PLPP2: variants seen among roughly 807,000 people sequenced by gnomAD.
PLPP2 encodes PAP2-gamma.
Under a neutral mutation model 35.2 loss-of-function variants are expected in PLPP2, and 29 were observed. The observed-to-expected ratio is 0.82, with a 90% CI of 0.61 to 1.12. PLPP2 has a LOEUF of 1.12. Among genes scored for constraint, PLPP2 ranks in the 50% most tolerant of loss-of-function variants. The pLI is 0.00. For synonymous variants in PLPP2, 162 were observed against 167.0 expected (o/e 0.97, Z 0.23); for missense variants, 353 against 375.2 (o/e 0.94, Z 0.49).
intron 1 of PLPP2, among the ~76,000 whole-genome samples, chr19:290,212 G>C (rs1970358236): frequency 6.6e-6 from 1 of 152,190 alleles, no homozygotes; most frequent in Non-Finnish European, 1.5e-5. Flanking sequence ...GCACACAGCA[G>C]CAACAGCCAA....
chr19:281,925 A>C (rs1600075713), intron 5 of PLPP2: 1 of 512,118 alleles, frequency 2.0e-6, no homozygotes. Flanking sequence ...AAGGACTGGG[A>C]CTGGGGAGAA....
In PLPP2 at chr19:287,366, G is replaced by A. The variant is rs1269214304; in HGVS notation, c.482+108C>T. 14 of 1,387,510 alleles carry A rather than the reference G, an allele frequency of 1.0e-5. No individual in the cohort carries two copies. Among genetic ancestry groups the A allele is most frequent in the African/African-American group, 1.4e-5 (1 of 69,226 alleles). The allele number at this position is 1,387,510 out of a possible 1,614,324, so 85.9% of individuals were successfully genotyped here. A position where few individuals can be genotyped will look rare whatever the true frequency, so the allele number is the denominator to read the frequency against. ...TATACAAAAATTAGCCGGGCGTGGT[G>A]GCGCACGCCTGTAGTCTCAGCTGCC... On this transcript the variant is annotated intron_variant, in intron 3 of 5. Coordinates refer to ENST00000434325, the MANE Select transcript of PLPP2 (RefSeq NM_003712.4). The surrounding 1 kb of genome is among the most constrained non-coding windows in gnomAD (Gnocchi z 4.3).
chr19:285,461 G>T (rs897633089), intron 3 of PLPP2: 2 of 151,576 alleles, frequency 1.3e-5, no homozygotes, highest in South Asian at 2.1e-4. Flanking sequence ...ATTCGGCTGG[G>T]GCCAGGTGTG....
At chr19:284,760 T>C (rs192613445) in intron 3 of PLPP2, 1 of 152,070 alleles carries the variant, frequency 6.6e-6, no homozygotes, top group Non-Finnish European at 1.5e-5. Flanking sequence ...AAATGAAAAA[T>C]CACTTGAGGG....
intron 3 of PLPP2, chr19:284,689 G>A (rs1970239336): frequency 6.6e-6 from 1 of 152,186 alleles, no homozygotes; most frequent in South Asian, 2.1e-4. Flanking sequence ...TCACCAAACA[G>A]AGAATATCAA....
chr19:289,347 A>G (rs1388152906), intron 1 of PLPP2, among the ~76,000 whole-genome samples: 2 of 152,166 alleles, frequency 1.3e-5, no homozygotes, highest in African/African-American at 4.8e-5. Flanking sequence ...GACACCGTAC[A>G]CCTTCCATGC....
rs200322171 is a variant in PLPP2 at position 287,613 on chromosome 19, G to A, written c.343C>T (p.Leu115=). 4 of 1,613,898 alleles carry A rather than the reference G, an allele frequency of 2.5e-6. No homozygotes were observed. The Admixed American group carries it at 5.0e-5, about 20-fold the overall frequency. The change falls in exon 3 of 6, where the codon CTG becomes TTG. Residue 115 remains leucine (L), a synonymous_variant. Coordinates refer to ENST00000434325, the MANE Select transcript of PLPP2 (RefSeq NM_003712.4). The surrounding 1 kb of genome is among the most constrained non-coding windows in gnomAD (Gnocchi z 4.3). ...GAAVSQSLTD[L]AKYMIGRLRP... is the part of the protein sequence containing the mutation. ...AGACGCCCAATCATGTACTTGGCCA[G>A]GTCTGTCAGAGACTGGCTCACGGCA...
intron 1 of PLPP2, chr19:291,055 C>T (rs1706091836): frequency 1.5e-6 from 2 of 1,294,272 alleles, no homozygotes; most frequent in Non-Finnish European, 9.8e-7. Context: ...CCGGGCCTCT[C>T]GCGACCCCCA....
chr19:288,765 G>A (rs938820018), intron 1 of PLPP2, among the ~76,000 whole-genome samples: 1 of 152,152 alleles, frequency 6.6e-6, no homozygotes, highest in African/African-American at 2.4e-5. Context: ...GTCACGTGTG[G>A]GACACTGGAA....
Position 282,133 on chromosome 19 carries a change from C to T in PLPP2, c.717+1G>A. On this transcript the variant is annotated splice_donor_variant, in intron 5 of 5. Coordinates refer to ENST00000434325, the MANE Select transcript of PLPP2 (RefSeq NM_003712.4). LOFTEE classifies it high-confidence loss of function. Reference sequence around the variant, plus strand: ...GGATAGAGTTAGGGTTAGAAGCTCACAGTGAGGGCAGCCACCAGTGCCCCC... The same window carrying T: ...GGATAGAGTTAGGGTTAGAAGCTCATAGTGAGGGCAGCCACCAGTGCCCCC... 1 of 1,613,188 alleles carries T rather than the reference C, an allele frequency of 6.2e-7. No individual in the cohort carries two copies. The highest frequency in any genetic ancestry group is 1.1e-5 in the South Asian group (1 of 91,062).
chr19:287,936 T>A lies in PLPP2; in HGVS notation c.204+84A>T. On this transcript the variant is annotated intron_variant, in intron 2 of 5. Transcript: ENST00000434325. The surrounding 1 kb of genome is among the most constrained non-coding windows in gnomAD (Gnocchi z 4.3). ...CACACAGACCTCCAGGGCAGGGCTG[T>A]GCCACCCCCCCATCAGGCCCCCAGG... 6.4e-7 allele frequency: 1 copy of A among 1,555,814 alleles called. No individual in the cohort carries two copies. Among genetic ancestry groups the A allele is most frequent in the Non-Finnish European group, 8.7e-7 (1 of 1,146,114 alleles).
Position 281,457 on chromosome 19 carries a change from G to A in PLPP2, c.798C>T (p.Ser266=). The A allele has an allele frequency of 1.3e-6, 2 of 1,563,290 alleles. No individual in the cohort carries two copies. Among genetic ancestry groups the A allele is most frequent in the Non-Finnish European group, 1.7e-6 (2 of 1,153,462 alleles). The change falls in exon 6 of 6, where the codon AGC becomes AGT. Residue 266 remains serine (S), a synonymous_variant. Coordinates refer to ENST00000434325, the MANE Select transcript of PLPP2 (RefSeq NM_003712.4). ...CGCCCAGGGTCAACGTCAGTGACAG[G>A]CTGGGCTTCCGTTCCAGCTCCTCCT... ...LKEEELERKP[S]LSLTLTLGEA...
chr19:287,949 T>G lies in PLPP2; in HGVS notation c.204+71A>C. On this transcript the variant is annotated intron_variant, in intron 2 of 5. Transcript: ENST00000434325. This position sits in a 1 kb window ranked among gnomAD's most constrained non-coding sequence, Gnocchi z 4.3. ...AGGGCAGGGCTGTGCCACCCCCCCA[T>G]CAGGCCCCCAGGGTAAAGCTGGCCC... The G allele has an allele frequency of 6.7e-6, 10 of 1,485,882 alleles. No homozygotes were observed. The highest frequency in any genetic ancestry group is 1.9e-5 in the Admixed American group (1 of 52,476). 92.0% of individuals were successfully genotyped at this position (1,485,882 alleles called of 1,614,324 possible). A position where few individuals can be genotyped will look rare whatever the true frequency, so the allele number is the denominator to read the frequency against.
chr19:282,299 C>G lies in PLPP2; in HGVS notation c.552G>C (p.Gln184His), dbSNP rs371097693. ...YCMVFLALYV[Q>H]ARLCWKWARL... ...GTGCCCACTTCCAACAGAGTCGTGC[C>G]TGCACATACAGCTGGAGTGGGGAGA... is the stretch of plus-strand genomic sequence containing the variant. Residue 184 changes from glutamine to histidine, a missense_variant, in exon 5 of 6, where the codon CAG becomes CAC. By Grantham distance (24) the Gln-to-His change is conservative. Coordinates refer to ENST00000434325, the MANE Select transcript of PLPP2 (RefSeq NM_003712.4). 2.5e-6 allele frequency: 4 copies of G among 1,613,536 alleles called. No individual in the cohort carries two copies. The highest frequency in any genetic ancestry group is 1.3e-5 in the African/African-American group (1 of 74,858).
chr19:282,155 C>G lies in PLPP2; in HGVS notation c.696G>C (p.Gly232=). Residue 232 remains glycine (G), a synonymous_variant, in exon 5 of 6, where the codon GGG becomes GGC. Transcript: ENST00000434325. ...WSDVLVGLLQ[G]ALVAALTVCY... is the part of the protein sequence containing the mutation. Reference sequence around the variant, plus strand: ...TCACAGTGAGGGCAGCCACCAGTGCCCCCTGCAGGAGGCCAACAAGGACAT... The same window carrying G: ...TCACAGTGAGGGCAGCCACCAGTGCGCCCTGCAGGAGGCCAACAAGGACAT... 1 of 1,613,610 alleles carries G rather than the reference C, an allele frequency of 6.2e-7. No homozygotes were observed. Among genetic ancestry groups the G allele is most frequent in the Non-Finnish European group, 8.5e-7 (1 of 1,179,802 alleles).
chr19:282,333 T>C (rs1970193052), intron 4 of PLPP2, 23 bp from the exon 5 acceptor site: 1 of 1,610,162 alleles, frequency 6.2e-7, no homozygotes, highest in Non-Finnish European at 8.5e-7. Context: ...GAGGACGTGT[T>C]AGCCTGTGCA....
At position 287,684 on chromosome 19, in the gene PLPP2, T is replaced by C; in HGVS notation, c.272A>G (p.Tyr91Cys). 1 of 1,613,896 alleles carries C rather than the reference T, an allele frequency of 6.2e-7. No homozygotes were observed. The highest frequency in any genetic ancestry group is 1.1e-5 in the South Asian group (1 of 91,082). The stretch of plus-strand genomic sequence containing the variant: ...CAGCACCTTGTATACAGCAGCCACG[T>C]AGTTGTTGAAGTCCGAGCGAGAATA... ...RLYSRSDFNN[Y>C]VAAVYKVLGT... The change falls in exon 3 of 6, where the codon TAC (tyrosine) becomes TGC (cysteine). Residue 91 changes from tyrosine to cysteine, a missense_variant. By Grantham distance (194) the Tyr-to-Cys change is radical. Transcript: ENST00000434325. The surrounding 1 kb of genome is among the most constrained non-coding windows in gnomAD (Gnocchi z 4.3).
intron 3 of PLPP2, 124 bp from the exon 4 acceptor site, chr19:282,933 A>G: frequency 1.3e-6 from 1 of 794,034 alleles, no homozygotes; most frequent in Non-Finnish European, 2.1e-6. Context: ...CTCAAATCCC[A>G]GTAGCAGAAA....
intron 1 of PLPP2, 139 bp from the exon 2 acceptor site, chr19:288,310 A>G: frequency 1.3e-6 from 1 of 792,566 alleles, no homozygotes; most frequent in Non-Finnish European, 1.9e-6. Context: ...TCACAGCCCA[A>G]ATAACACTCC....
Sources: gnomAD v4.1 joint callset for allele counts (sites outside exome capture counted in the v4.1 genomes callset) on GRCh38, gnomAD v4.1.1 for gene constraint, Gnocchi (gnomAD v3.1) non-coding constraint, MANE v1.5 for transcripts, NCBI Gene and HGNC (gene_info 2026-07-23, HGNC 2026-07-21) for gene names.